The following CD3E variants were observed in gnomAD, a reference collection of about 807,000 sequenced individuals.
CD3E encodes CD3 epsilon subunit of T-cell receptor complex, also known as T-cell surface glycoprotein CD3 epsilon chain.
Under a neutral mutation model 34.7 loss-of-function variants are expected in CD3E, and 16 were observed. The ratio of observed to expected loss-of-function variants is 0.46; its 90% CI spans 0.31 to 0.70. The LOEUF (loss-of-function observed/expected upper bound fraction) is 0.70. Among genes scored for constraint, CD3E ranks in the 30% least tolerant of loss-of-function variants. The pLI, the probability that CD3E is intolerant of heterozygous loss-of-function variation, is 0.05. For missense variants in CD3E, 223 were observed against 253.9 expected (o/e 0.88, Z 0.83); for synonymous variants, 70 against 90.8 (o/e 0.77, Z 1.30).
chr11:118,311,779 T>C lies in CD3E; in HGVS notation c.86-374T>C, dbSNP rs150870018. Among the ~76,000 whole-genome samples, 178 of 152,328 alleles carry C rather than the reference T, an allele frequency of 1.2e-3. 4 individuals carry two copies. The East Asian group carries it at 0.033, about 28-fold the overall frequency. ...ACTTCCTGCATTTGGTTGGTTCTTT[T>C]GTCATTCATATCTATCTGTAATACA... On this transcript the variant is annotated intron_variant, in intron 4 of 8. Transcript: ENST00000361763.
chr11:118,309,974 C>A (rs531560635), intron 4 of CD3E, among the ~76,000 whole-genome samples: 2 of 152,210 alleles, frequency 1.3e-5, no homozygotes, highest in South Asian at 4.2e-4. Context: ...CAGAGAAAGA[C>A]CCTGTCTCTG....
chr11:118,311,852 C>T (rs1164432868), intron 4 of CD3E, among the ~76,000 whole-genome samples: 3 of 152,242 alleles, frequency 2.0e-5, no homozygotes, highest in African/African-American at 7.2e-5. Flanking sequence ...TGGAATTTTT[C>T]GGCTTTAGGA....
Position 118,304,952 on chromosome 11 carries a change from G to A in CD3E, c.-1G>A. ...TAAAGTAACAGTCCCATGAAACAAA[G>A]ATGCAGTCGGGCACTCACTGGAGAG... is the stretch of plus-strand genomic sequence containing the variant. On this transcript the variant is annotated 5_prime_UTR_variant, in exon 2 of 9. Transcript: ENST00000361763. 6.2e-7 allele frequency: 1 copy of A among 1,614,028 alleles called. No individual in the cohort carries two copies. The highest frequency in any genetic ancestry group is 8.5e-7 in the Non-Finnish European group (1 of 1,179,882).
intron 2 of CD3E, among the ~76,000 whole-genome samples, chr11:118,305,895 C>T (rs1948102712): frequency 6.6e-6 from 1 of 152,174 alleles, no homozygotes. Flanking sequence ...ACAGCTGGTG[C>T]TCCCGTCTCA....
intron 4 of CD3E, among the ~76,000 whole-genome samples, chr11:118,311,188 G>A (rs1246023388): frequency 1.3e-5 from 2 of 152,152 alleles, no homozygotes; most frequent in Admixed American, 6.5e-5. Context: ...CAAACTCAGG[G>A]CTTCTGACTC....
Position 118,313,861 on chromosome 11 carries a change from C to T in CD3E, c.507C>T (p.Gly169=), listed in dbSNP as rs2231447. ...AKPVTRGAGA[G]GRQRGQNKER... is the part of the protein sequence containing the mutation. ...CTGTGACACGAGGAGCGGGTGCTGGCGGCAGGCAAAGGGGTAAGGCTGTGG... is the reference window on the plus strand; with the variant it reads ...CTGTGACACGAGGAGCGGGTGCTGGTGGCAGGCAAAGGGGTAAGGCTGTGG... Residue 169 remains glycine, a synonymous_variant, in exon 7 of 9, where the codon GGC becomes GGT. Coordinates refer to ENST00000361763, the MANE Select transcript of CD3E (RefSeq NM_000733.4). 0.011 allele frequency: 17,823 copies of T among 1,613,244 alleles called. 123 individuals are homozygous for T. The highest frequency in any genetic ancestry group is 0.017 in the South Asian group (1,566 of 91,044).
chr11:118,309,368 G>A (rs965545162), intron 4 of CD3E, among the ~76,000 whole-genome samples: 13 of 152,158 alleles, frequency 8.5e-5, no homozygotes, highest in Non-Finnish European at 1.8e-4. Flanking sequence ...CTGAGGTCAG[G>A]AGTTCGAGAC....
chr11:118,305,475 A>AT (rs1357233533), intron 2 of CD3E, among the ~76,000 whole-genome samples: 1 of 152,120 alleles, frequency 6.6e-6, no homozygotes, highest in Non-Finnish European at 1.5e-5. Context: ...AGTTTATTTC[A>AT]TTTTTTTGAA....
intron 6 of CD3E, chr11:118,313,451 A>G: frequency 1.9e-6 from 1 of 515,436 alleles, no homozygotes; most frequent in Non-Finnish European, 3.5e-6. Context: ...TTGAAAACAC[A>G]TTTCACGCTT....
rs776569602 is a variant in CD3E, at chr11:118,315,561, CTCCCGCTGGCCCAGGT to C, written c.*20_*35del. On this transcript the variant is annotated 3_prime_UTR_variant, in exon 9 of 9. Transcript: ENST00000361763. ...CATCTGACCCTCTGGAGAACACTGC[CTCCCGCTGGCCCAGGT>C]CTCCTCTCCAGTCCCCCTGCGACTC... The C allele has an allele frequency of 1.9e-6, 3 of 1,604,376 alleles. No individual in the cohort carries two copies. Among genetic ancestry groups the C allele is most frequent in the Non-Finnish European group, 2.6e-6 (3 of 1,174,766 alleles).
At position 118,316,013 on chromosome 11, in the gene CD3E, C is replaced by T; in HGVS notation, c.*471C>T. 1 of 213,098 alleles carries T rather than the reference C, an allele frequency of 4.7e-6. No individual in the cohort carries two copies. The highest frequency in any genetic ancestry group is 9.5e-6 in the Non-Finnish European group (1 of 105,174). 13.2% of individuals were successfully genotyped at this position (213,098 alleles called of 1,614,324 possible). A position where few individuals can be genotyped will look rare whatever the true frequency, so the allele number is the denominator to read the frequency against. ...TTCACAGATCCTGGCCCTGAGCCAG[C>T]CCTGTGCTCCTCCCTCCCCCAACAC... On this transcript the variant is annotated 3_prime_UTR_variant, in exon 9 of 9. Transcript: ENST00000361763.
Position 118,313,686 on chromosome 11 carries a change from TCCCCA to T in CD3E, c.353-11_353-7del, listed in dbSNP as rs770417767. 9 of 1,612,434 alleles carry T rather than the reference TCCCCA, an allele frequency of 5.6e-6. No individual in the cohort carries two copies. The highest frequency in any genetic ancestry group is 5.0e-5 in the Admixed American group (3 of 59,958). ...TTTCCTTGCTTAGTGATTTCCCCTCTCCCCACCCCACCCCCCACAGTGTGTGAGAA... is the reference window on the plus strand; with the variant it reads ...TTTCCTTGCTTAGTGATTTCCCCTCTCCCCACCCCCCACAGTGTGTGAGAA... On this transcript the variant is annotated splice_polypyrimidine_tract_variant and intron_variant, in intron 6 of 8. Transcript: ENST00000361763.
At chr11:118,315,190 T>C (rs1462097140) in intron 8 of CD3E, among the ~76,000 whole-genome samples, 4 of 152,082 alleles carry the variant, frequency 2.6e-5, no homozygotes, top group African/African-American at 9.7e-5. Flanking sequence ...AGCCAAATAC[T>C]CAACACCAGC....
chr11:118,306,412 T>C (rs1948106421), intron 2 of CD3E, among the ~76,000 whole-genome samples: 1 of 151,906 alleles, frequency 6.6e-6, no homozygotes, highest in African/African-American at 2.4e-5. Context: ...GAAGGATCAC[T>C]TGAGCCCAGG....
At position 118,307,332 on chromosome 11, in the gene CD3E, T is replaced by C. The variant is rs201352418; in HGVS notation, c.70+24T>C. On this transcript the variant is annotated intron_variant, in intron 3 of 8. Transcript: ENST00000361763. ...TGGTGAGATATGCTTTCTTTCTTTC[T>C]TTTTTATGAAATCACCCCATCATTC... The C allele has an allele frequency of 4.3e-4, 684 of 1,591,696 alleles. 1 individual carries two copies. Among genetic ancestry groups the C allele is most frequent in the South Asian group, 1.2e-3 (110 of 90,524 alleles).
chr11:118,314,363 C>A, intron 7 of CD3E, 85 bp from the exon 8 acceptor site: 1 of 1,131,156 alleles, frequency 8.8e-7, no homozygotes, highest in Non-Finnish European at 1.3e-6. Context: ...GTTTGCCATT[C>A]TCTATCTGGG....
chr11:118,314,561 T>C, intron 8 of CD3E, 67 bp downstream of exon 8: 3 of 1,448,696 alleles, frequency 2.1e-6, no homozygotes, highest in Non-Finnish European at 2.9e-6. Flanking sequence ...AGGAAACAGA[T>C]GGGATGGCCC....
chr11:118,314,374 T>C lies in CD3E; in HGVS notation c.521-74T>C, dbSNP rs530776474. The C allele has an allele frequency of 4.0e-6, 5 of 1,250,300 alleles. No individual in the cohort carries two copies. The East Asian group carries it at 1.2e-4, about 30-fold the overall frequency. The allele number at this position is 1,250,300 out of a possible 1,614,324, so 77.5% of individuals were successfully genotyped here. Reference sequence around the variant, plus strand: ...TGGGGTTTGCCATTCTCTATCTGGGTCTCACTGGCACAGACAGTGCTGCAA... The same window carrying C: ...TGGGGTTTGCCATTCTCTATCTGGGCCTCACTGGCACAGACAGTGCTGCAA... On this transcript the variant is annotated intron_variant, in intron 7 of 8. Coordinates refer to ENST00000361763, the MANE Select transcript of CD3E (RefSeq NM_000733.4).
At position 118,313,802 on chromosome 11, in the gene CD3E, T is replaced by C. The variant is rs146881885; in HGVS notation, c.448T>C (p.Tyr150His). The change falls in exon 7 of 9, where the codon TAC (tyrosine) becomes CAC (histidine). Residue 150 changes from tyrosine (Y) to histidine (H), a missense_variant. Tyr to His is a moderately conservative substitution (Grantham distance 83, BLOSUM62 2). Transcript: ENST00000361763. ...TGGGGGCTTGCTGCTGCTGGTTTACTACTGGAGCAAGAATAGAAAGGCCAA... is the reference window on the plus strand; with the variant it reads ...TGGGGGCTTGCTGCTGCTGGTTTACCACTGGAGCAAGAATAGAAAGGCCAA... ...ITGGLLLLVY[Y>H]WSKNRKAKAK... 16 of 1,614,014 alleles carry C rather than the reference T, an allele frequency of 9.9e-6. No homozygotes were observed. In the African/African-American group the frequency reaches 2.0e-4, roughly 20 times the overall value.
Sources: gnomAD v4.1 joint callset for allele counts (sites outside exome capture counted in the v4.1 genomes callset) on GRCh38, gnomAD v4.1.1 for gene constraint, MANE v1.5 for transcripts, NCBI Gene and HGNC (gene_info 2026-07-23, HGNC 2026-07-21) for gene names.